CYTH3: variants seen among roughly 807,000 people sequenced by gnomAD.
CYTH3 encodes the protein cytohesin 3.
Under a neutral mutation model 55.1 loss-of-function variants are expected in CYTH3, and 23 were observed. That is an observed-to-expected ratio of 0.42 (90% CI 0.30 to 0.59). The LOEUF is 0.59. Among genes scored for constraint, CYTH3 ranks in the 20% least tolerant of loss-of-function variants. CYTH3 has a pLI of 0.20. For synonymous variants in CYTH3, 249 were observed against 194.9 expected (o/e 1.28, Z -2.31); for missense variants, 413 against 524.8 (o/e 0.79, Z 2.08).
intron 1 of CYTH3, among the ~76,000 whole-genome samples, chr7:6,241,535 C>G (rs1779672668): frequency 6.6e-6 from 1 of 152,174 alleles, no homozygotes; most frequent in Admixed American, 6.5e-5. Flanking sequence ...ACACATTTTC[C>G]TTTTAGCATA....
At position 6,164,613 on chromosome 7, in the gene CYTH3, C is replaced by A; in HGVS notation, c.*331G>T. 2.7e-6 allele frequency: 1 copy of A among 366,818 alleles called. No individual in the cohort carries two copies. Among genetic ancestry groups the A allele is most frequent in the South Asian group, 3.2e-5 (1 of 31,542 alleles). The allele number at this position is 366,818 out of a possible 1,614,324, so 22.7% of individuals were successfully genotyped here. A position where few individuals can be genotyped will look rare whatever the true frequency, so the allele number is the denominator to read the frequency against. ...ACAGCGGAAGCTGCTGTCCTGGCTT[C>A]TCCCCCTAGGGGCGCCGGGATGGTC... On this transcript the variant is annotated 3_prime_UTR_variant, in exon 13 of 13. Coordinates refer to ENST00000350796, the MANE Select transcript of CYTH3 (RefSeq NM_004227.4).
chr7:6,209,240 C>T (rs1211919088), intron 1 of CYTH3, among the ~76,000 whole-genome samples: 2 of 152,220 alleles, frequency 1.3e-5, no homozygotes, highest in Non-Finnish European at 2.9e-5. Context: ...ACTACTATCT[C>T]AAGCTAATCA....
intron 1 of CYTH3, among the ~76,000 whole-genome samples, chr7:6,194,357 G>C (rs116424186): frequency 1.3e-5 from 2 of 152,210 alleles, no homozygotes; most frequent in Admixed American, 1.3e-4. Flanking sequence ...GGAGGCTGAG[G>C]TGGGAGGATC....
At chr7:6,243,580 G>C (rs1224757995) in intron 1 of CYTH3, among the ~76,000 whole-genome samples, 4 of 152,228 alleles carry the variant, frequency 2.6e-5, no homozygotes, top group Admixed American at 2.0e-4. Context: ...GGGAGGTTCA[G>C]TTGGAAATAC....
chr7:6,255,538 G>A (rs537675122), intron 1 of CYTH3, among the ~76,000 whole-genome samples: 2 of 152,210 alleles, frequency 1.3e-5, no homozygotes, highest in Non-Finnish European at 2.9e-5. Flanking sequence ...AGAGTCGGCC[G>A]TGAAGAAGCT....
intron 1 of CYTH3, among the ~76,000 whole-genome samples, chr7:6,242,223 C>A (rs936241373): frequency 6.6e-6 from 1 of 151,668 alleles, no homozygotes; most frequent in African/African-American, 2.4e-5. Flanking sequence ...ACTACAGGCG[C>A]CCACCACTAC....
At chr7:6,244,382 T>C (rs1421289125) in intron 1 of CYTH3, among the ~76,000 whole-genome samples, 1 of 152,262 alleles carries the variant, frequency 6.6e-6, no homozygotes, top group Non-Finnish European at 1.5e-5. Flanking sequence ...TAGAATGCTT[T>C]ATTCTGTGTA....
rs41282682 is a variant in CYTH3 at position 6,187,710 on chromosome 7, A to G, written c.129T>C (p.Tyr43=). Residue 43 remains tyrosine, a synonymous_variant, in exon 3 of 13, where the codon TAT becomes TAC. Coordinates refer to ENST00000350796, the MANE Select transcript of CYTH3 (RefSeq NM_004227.4). ...TCTCTGTCATCACCTCTGCAATTTC[A>G]TATTTCAGCCTCTGTCAAAAAAGAA... ...ELIDDIERLK[Y]EIAEVMTEID... The G allele has an allele frequency of 0.018, 28,249 of 1,613,942 alleles. 361 individuals are homozygous for G. The highest frequency in any genetic ancestry group is 0.072 in the Middle Eastern group (439 of 6,060).
intron 4 of CYTH3, among the ~76,000 whole-genome samples, chr7:6,180,317 A>T (rs1041624950): frequency 8.5e-5 from 13 of 152,208 alleles, no homozygotes; most frequent in South Asian, 2.1e-4. Context: ...AAACACTGAC[A>T]TTTCTTGGAG....
At position 6,165,830 on chromosome 7, in the gene CYTH3, G is replaced by A. The variant is rs777578986; in HGVS notation, c.824-20C>T. The A allele has an allele frequency of 3.0e-5, 48 of 1,613,222 alleles. No homozygotes were observed. The highest frequency in any genetic ancestry group is 6.6e-5 in the South Asian group (6 of 91,064). On this transcript the variant is annotated intron_variant, in intron 9 of 12. Transcript: ENST00000350796. Reference sequence around the variant, plus strand: ...GCCCTCCTAGAAGCAGAAGGGCCCCGTGAGTCTGCGCTCCGTGCACAGGGA... The same window carrying A: ...GCCCTCCTAGAAGCAGAAGGGCCCCATGAGTCTGCGCTCCGTGCACAGGGA...
intron 1 of CYTH3, among the ~76,000 whole-genome samples, chr7:6,204,524 C>T (rs916965393): frequency 3.9e-5 from 6 of 152,194 alleles, no homozygotes; most frequent in Admixed American, 1.3e-4. Flanking sequence ...CAACAGCTTT[C>T]TATCTAGTGT....
At position 6,171,090 on chromosome 7, in the gene CYTH3, C is replaced by T. The variant is rs879459649; in HGVS notation, c.562+112G>A. The stretch of plus-strand genomic sequence containing the variant: ...GCCCGGCCCACAGGTCGTCCTCGCT[C>T]AGGGAAGGCAGGTCCCCAGGAACAC... On this transcript the variant is annotated intron_variant, in intron 7 of 12. Transcript: ENST00000350796. The surrounding 1 kb of genome is among the most constrained non-coding windows in gnomAD (Gnocchi z 6.7). 1.6e-5 allele frequency: 26 copies of T among 1,582,480 alleles called. No homozygotes were observed. The highest frequency in any genetic ancestry group is 1.7e-4 in the Middle Eastern group (1 of 5,968).
intron 1 of CYTH3, among the ~76,000 whole-genome samples, chr7:6,270,583 A>C (rs924566088): frequency 6.6e-6 from 1 of 152,232 alleles, no homozygotes; most frequent in African/African-American, 2.4e-5. Context: ...ATGATGTATA[A>C]AACTGCTTAT....
chr7:6,231,147 A>T (rs1385744210), intron 1 of CYTH3, among the ~76,000 whole-genome samples: 1 of 152,242 alleles, frequency 6.6e-6, no homozygotes, highest in Non-Finnish European at 1.5e-5. Context: ...CTGCAGTCGG[A>T]TGATGCATGA....
rs887701278 is a variant in CYTH3 at position 6,244,955 on chromosome 7, A to ATTTT, written c.34+27515_34+27518dup. Among the ~76,000 whole-genome samples the ATTTT allele has an allele frequency of 3.7e-3, 135 of 36,436 alleles. 18 individuals are homozygous for ATTTT. The highest frequency in any genetic ancestry group is 5.0e-3 in the Non-Finnish European group (99 of 19,954). 23.9% of individuals were successfully genotyped at this position (36,436 alleles called of 152,430 possible). ...AGTCACCCGCCACCACGCCCGGCTA[A>ATTTT]TTTTTTTTTTTTTTTTTTTTTTTTT... On this transcript the variant is annotated intron_variant, in intron 1 of 12. Transcript: ENST00000350796.
intron 1 of CYTH3, among the ~76,000 whole-genome samples, chr7:6,227,166 AAAG>A (rs1487935970): frequency 1.3e-5 from 2 of 152,114 alleles, no homozygotes; most frequent in Non-Finnish European, 2.9e-5. Flanking sequence ...GAGGCTTTTT[AAAG>A]AATAAAAAAT....
intron 1 of CYTH3, among the ~76,000 whole-genome samples, chr7:6,209,322 T>C (rs1452100554): frequency 6.6e-6 from 1 of 152,162 alleles, no homozygotes; most frequent in African/African-American, 2.4e-5. Flanking sequence ...AAACAAAAAA[T>C]ATTGTAAGAT....
intron 3 of CYTH3, 101 bp from the exon 4 acceptor site, chr7:6,187,217 G>C: frequency 7.6e-7 from 1 of 1,312,364 alleles, no homozygotes; most frequent in Non-Finnish European, 1.1e-6. Context: ...CGGGCTCAAG[G>C]AAGCGAAGCA....
chr7:6,271,197 C>A (rs1780642318), intron 1 of CYTH3, among the ~76,000 whole-genome samples: 1 of 152,144 alleles, frequency 6.6e-6, no homozygotes, highest in South Asian at 2.1e-4. Flanking sequence ...CTACCCCTAG[C>A]TTCAACTATA....
Sources: gnomAD v4.1 joint callset for allele counts (sites outside exome capture counted in the v4.1 genomes callset) on GRCh38, gnomAD v4.1.1 for gene constraint, Gnocchi (gnomAD v3.1) non-coding constraint, MANE v1.5 for transcripts, NCBI Gene and HGNC (gene_info 2026-07-23, HGNC 2026-07-21) for gene names.